The following KCNQ3 variants were observed in gnomAD, a reference collection of about 807,000 sequenced individuals.
KCNQ3 encodes the protein potassium voltage-gated channel subfamily KQT member 3.
In KCNQ3, 30 loss-of-function variants were observed where a neutral mutation model predicts 92.5. The ratio of observed to expected loss-of-function variants is 0.32; its 90% CI spans 0.24 to 0.44. KCNQ3 has a LOEUF of 0.44. Among genes scored for constraint, KCNQ3 ranks in the 20% least tolerant of loss-of-function variants. The pLI, the probability that KCNQ3 is intolerant of heterozygous loss-of-function variation, is 1.00. For synonymous variants in KCNQ3, 450 were observed against 468.8 expected, an observed-to-expected ratio of 0.96 and a Z score of 0.52; for missense variants, 913 against 1,140.3, an observed-to-expected ratio of 0.80 and a Z score of 2.87.
chr8:132,270,887 G>A (rs1026134418), intron 1 of KCNQ3, among the ~76,000 whole-genome samples: 1 of 152,198 alleles, frequency 6.6e-6, no homozygotes, highest in African/African-American at 2.4e-5. Context: ...GCCCAGGGAT[G>A]TTTACTTTAA....
chr8:132,196,540 A>G (rs1026558120), intron 1 of KCNQ3, among the ~76,000 whole-genome samples: 2 of 152,142 alleles, frequency 1.3e-5, no homozygotes, highest in African/African-American at 4.8e-5. Context: ...AGATGCTACA[A>G]TTTTCCTCTT....
intron 1 of KCNQ3, among the ~76,000 whole-genome samples, chr8:132,266,892 G>A (rs532899302): frequency 5.3e-5 from 8 of 152,224 alleles, no homozygotes; most frequent in Non-Finnish European, 1.0e-4. Context: ...ATCACCATAC[G>A]GTGTAAAGAC....
chr8:132,209,792 T>C (rs1304974718), intron 1 of KCNQ3, among the ~76,000 whole-genome samples: 2 of 152,194 alleles, frequency 1.3e-5, no homozygotes, highest in Non-Finnish European at 1.5e-5. Flanking sequence ...GGCCAAGCTA[T>C]GATGTTCAGT....
intron 1 of KCNQ3, among the ~76,000 whole-genome samples, chr8:132,451,230 G>T (rs571455787): frequency 6.6e-6 from 1 of 152,320 alleles, no homozygotes; most frequent in East Asian, 1.9e-4. Flanking sequence ...CATGTAAAAC[G>T]TGACTTTGCT....
chr8:132,464,311 C>T (rs1822124376), intron 1 of KCNQ3, among the ~76,000 whole-genome samples: 1 of 152,168 alleles, frequency 6.6e-6, no homozygotes, highest in African/African-American at 2.4e-5. Context: ...AATGATACAG[C>T]CAGACTTCAA....
At chr8:132,468,321 G>T (rs1170954934) in intron 1 of KCNQ3, among the ~76,000 whole-genome samples, 1 of 152,188 alleles carries the variant, frequency 6.6e-6, no homozygotes, top group East Asian at 1.9e-4. Flanking sequence ...CATGGCCTGG[G>T]CTAGATGAGT....
intron 8 of KCNQ3, among the ~76,000 whole-genome samples, chr8:132,168,735 G>A (rs1217745199): frequency 1.6e-5 from 1 of 61,588 alleles, no homozygotes; most frequent in Non-Finnish European, 4.3e-5. Flanking sequence ...GTGTGTGTGT[G>A]TGTGTGTGTG....
At chr8:132,277,777 C>T (rs567759014) in intron 1 of KCNQ3, among the ~76,000 whole-genome samples, 42 of 152,264 alleles carry the variant, frequency 2.8e-4, no homozygotes, top group African/African-American at 9.9e-4. Context: ...AGCCCCTCAC[C>T]AGGCTGAGTT....
chr8:132,219,989 A>G (rs1419778497), intron 1 of KCNQ3, among the ~76,000 whole-genome samples: 1 of 152,000 alleles, frequency 6.6e-6, no homozygotes, highest in Non-Finnish European at 1.5e-5. Context: ...GAATCCCAAA[A>G]ACCTTGATGA....
chr8:132,158,387 G>A (rs866077244), intron 9 of KCNQ3, among the ~76,000 whole-genome samples: 10 of 152,314 alleles, frequency 6.6e-5, no homozygotes, highest in South Asian at 2.1e-4. Context: ...AAGGCAAAGC[G>A]TGAATTATAG....
intron 1 of KCNQ3, among the ~76,000 whole-genome samples, chr8:132,437,148 G>A (rs1472502493): frequency 1.3e-5 from 2 of 151,584 alleles, no homozygotes; most frequent in African/African-American, 2.4e-5. Context: ...GCGAGGTGGC[G>A]GGCACCTGTA....
At chr8:132,293,706 T>C (rs1403531950) in intron 1 of KCNQ3, among the ~76,000 whole-genome samples, 1 of 152,036 alleles carries the variant, frequency 6.6e-6, no homozygotes, top group East Asian at 1.9e-4. Flanking sequence ...GGGAAGGTGT[T>C]GGGTGGGGAG....
intron 1 of KCNQ3, among the ~76,000 whole-genome samples, chr8:132,419,867 T>A (rs1820920058): frequency 6.6e-6 from 1 of 152,206 alleles, no homozygotes; most frequent in Non-Finnish European, 1.5e-5. Context: ...AAAACCTGCA[T>A]TCTTCCAAAC....
chr8:132,348,777 T>C (rs1818771816), intron 1 of KCNQ3, among the ~76,000 whole-genome samples: 1 of 152,210 alleles, frequency 6.6e-6, no homozygotes, highest in Admixed American at 6.5e-5. Flanking sequence ...TCTAGGCTAG[T>C]AAATCGTTTG....
intron 1 of KCNQ3, among the ~76,000 whole-genome samples, chr8:132,471,247 C>G (rs1050264791): frequency 2.0e-5 from 3 of 152,164 alleles, no homozygotes; most frequent in Non-Finnish European, 4.4e-5. Context: ...GAGTACACCA[C>G]GACATGAGGA....
chr8:132,366,402 T>C (rs1819322492), intron 1 of KCNQ3, among the ~76,000 whole-genome samples: 1 of 152,188 alleles, frequency 6.6e-6, no homozygotes, highest in Non-Finnish European at 1.5e-5. Flanking sequence ...GCAATAATTT[T>C]ACCTCTTCTT....
rs762050751 is a variant in KCNQ3, at chr8:132,184,256, G to A, written c.589C>T (p.Pro197Ser). The change falls in exon 3 of 15, where the codon CCC becomes TCC. Residue 197 changes from proline to serine, a missense_variant. Around this residue, in one of 6 missense-constraint regions of KCNQ3, gnomAD observed 100 missense variants for 217.6 expected, o/e 0.46. Coordinates refer to ENST00000388996, the MANE Select transcript of KCNQ3 (RefSeq NM_004519.4). Reference sequence around the variant, plus strand: ...CAGGACTTACCCAACATGCACAGGGGCTTCCTGGCAAACTTCAGTCGGCCC... The same window carrying A: ...CAGGACTTACCCAACATGCACAGGGACTTCCTGGCAAACTTCAGTCGGCCC... ...WRGRLKFARK[P>S]LCMLDIFVLI... The A allele has an allele frequency of 1.9e-6, 3 of 1,614,168 alleles. No homozygotes were observed. The highest frequency in any genetic ancestry group is 2.5e-6 in the Non-Finnish European group (3 of 1,180,038).
At chr8:132,191,044 T>C (rs377616547) in intron 1 of KCNQ3, among the ~76,000 whole-genome samples, 1 of 152,320 alleles carries the variant, frequency 6.6e-6, no homozygotes, top group East Asian at 1.9e-4. Flanking sequence ...AATGGCCTTG[T>C]TGAAATTAAA....
At chr8:132,323,279 T>A (rs1262467467) in intron 1 of KCNQ3, among the ~76,000 whole-genome samples, 2 of 152,166 alleles carry the variant, frequency 1.3e-5, no homozygotes, top group African/African-American at 4.8e-5. Context: ...TTTAGCCCCA[T>A]GGGTCCAATC....
Sources: gnomAD v4.1 joint callset for allele counts (sites outside exome capture counted in the v4.1 genomes callset) on GRCh38, gnomAD v4.1.1 for gene constraint, gnomAD v4.1.1 regional missense constraint, MANE v1.5 for transcripts, NCBI Gene and HGNC (gene_info 2026-07-23, HGNC 2026-07-21) for gene names.